Variants in NUCKS1 observed in about 807,000 individuals in gnomAD.
The protein encoded by NUCKS1 is nuclear casein kinase and cyclin dependent kinase substrate 1, also known as nuclear ubiquitous casein and cyclin-dependent kinase substrate 1.
NUCKS1 carries 2 observed loss-of-function variants against 33.0 expected under a neutral mutation model. The ratio of observed to expected loss-of-function variants is 0.06; its 90% CI spans 0.02 to 0.19. NUCKS1 has a LOEUF of 0.19. Among genes scored for constraint, NUCKS1 ranks in the 10% least tolerant of loss-of-function variants. The pLI is 1.00. For missense variants in NUCKS1, 201 were observed against 293.6 expected (o/e 0.68, Z 2.31); for synonymous variants, 106 against 102.8 (o/e 1.03, Z -0.19).
At chr1:205,725,596 T>C (rs1558050928) in intron 3 of NUCKS1, among the ~76,000 whole-genome samples, 1 of 152,200 alleles carries the variant, frequency 6.6e-6, no homozygotes, top group Non-Finnish European at 1.5e-5. Flanking sequence ...TTTATCGAGT[T>C]TATAGACTAC....
intron 3 of NUCKS1, among the ~76,000 whole-genome samples, chr1:205,724,817 C>T (rs962429132): frequency 6.6e-6 from 1 of 152,042 alleles, no homozygotes; most frequent in African/African-American, 2.4e-5. Context: ...ATATTTCCTT[C>T]CAATATTTCT....
At chr1:205,749,926 A>T (rs759564148) in intron 1 of NUCKS1, 31 bp downstream of exon 1, 4 of 1,568,466 alleles carry the variant, frequency 2.6e-6, no homozygotes, top group South Asian at 1.1e-5. Flanking sequence ...TCCCCCTCCA[A>T]CCCGCTCCAG....
At position 205,714,259 on chromosome 1, in the gene NUCKS1, A is replaced by G. The variant is rs962754208; in HGVS notation, c.*4021T>C. On this transcript the variant is annotated 3_prime_UTR_variant, in exon 7 of 7. Transcript: ENST00000367142. ...AGTACTATACCCCCACACCCCATCA[A>G]AAAAGGAACAACAAAAAAATCCCAA... 2.6e-5 allele frequency: 4 copies of G among 151,918 alleles called. No individual in the cohort carries two copies. Among genetic ancestry groups the G allele is most frequent in the African/African-American group, 9.7e-5 (4 of 41,238 alleles). 9.4% of individuals were successfully genotyped at this position (151,918 alleles called of 1,614,324 possible).
chr1:205,718,696 C>T (rs986574724), intron 6 of NUCKS1, among the ~76,000 whole-genome samples: 2 of 152,178 alleles, frequency 1.3e-5, no homozygotes, highest in Non-Finnish European at 2.9e-5. Flanking sequence ...TACAGTATTT[C>T]CCATCAGTTT....
intron 1 of NUCKS1, among the ~76,000 whole-genome samples, chr1:205,735,075 G>A (rs1045312539): frequency 6.6e-6 from 1 of 152,110 alleles, no homozygotes; most frequent in African/African-American, 2.4e-5. Flanking sequence ...CAGCATTTAA[G>A]AATTTCATTT....
At chr1:205,746,441 T>TCA (rs1403649920) in intron 1 of NUCKS1, among the ~76,000 whole-genome samples, 204 of 40,734 alleles carry the variant, frequency 5.0e-3, no homozygotes, top group Admixed American at 0.032. Context: ...CTCACTTCTC[T>TCA]CTCTCTCTCT....
intron 3 of NUCKS1, 31 bp downstream of exon 3, chr1:205,727,669 T>C (rs1235270370): frequency 1.4e-6 from 2 of 1,406,860 alleles, no homozygotes; most frequent in Non-Finnish European, 2.0e-6. Flanking sequence ...GGTAACAGTG[T>C]AAGCAGGAAC....
chr1:205,718,160 T>C lies in NUCKS1; in HGVS notation c.*120A>G. 1.5e-6 allele frequency: 2 copies of C among 1,352,728 alleles called. No homozygotes were observed. The highest frequency in any genetic ancestry group is 1.9e-6 in the Non-Finnish European group (2 of 1,057,310). The allele number at this position is 1,352,728 out of a possible 1,614,324, so 83.8% of individuals were successfully genotyped here. A position where few individuals can be genotyped will look rare whatever the true frequency, so the allele number is the denominator to read the frequency against. On this transcript the variant is annotated 3_prime_UTR_variant, in exon 7 of 7. Transcript: ENST00000367142. ...AATGGAAAAAAGCACTGAAAGCCCA[T>C]GAGTCAAGCCATAGCCAAAACCATG...
intron 2 of NUCKS1, among the ~76,000 whole-genome samples, chr1:205,729,206 T>TGGTCC: frequency 6.6e-6 from 1 of 152,160 alleles, no homozygotes; most frequent in East Asian, 1.9e-4. Flanking sequence ...TGACCTCAAG[T>TGGTCC]GGTCCGCCCA....
At chr1:205,748,895 C>T (rs896264447) in intron 1 of NUCKS1, among the ~76,000 whole-genome samples, 11 of 152,204 alleles carry the variant, frequency 7.2e-5, no homozygotes, top group African/African-American at 2.7e-4. Context: ...TGCAACAGCT[C>T]TCCTTTTTAA....
chr1:205,719,535 T>G lies in NUCKS1; in HGVS notation c.524A>C (p.Lys175Thr). 1 of 1,598,604 alleles carries G rather than the reference T, an allele frequency of 6.3e-7. No homozygotes were observed. The change falls in exon 6 of 7, where the codon AAG (lysine) becomes ACG (threonine). Residue 175 changes from lysine to threonine, a missense_variant. Lys to Thr is a moderately conservative substitution (Grantham distance 78). Transcript: ENST00000367142. ...KEKKMPKPRLKATVTPSPVKG... is the reference protein window; with the variant it reads ...KEKKMPKPRLTATVTPSPVKG... Reference sequence around the variant, plus strand: ...ACTTCTGCAGAAATTACCTGTAGCCTTTAGTCTGGGTTTGGGCATTTTCTT... The same window carrying G: ...ACTTCTGCAGAAATTACCTGTAGCCGTTAGTCTGGGTTTGGGCATTTTCTT...
chr1:205,730,541 T>A (rs985206042), intron 1 of NUCKS1, among the ~76,000 whole-genome samples: 2 of 150,842 alleles, frequency 1.3e-5, no homozygotes, highest in African/African-American at 4.9e-5. Flanking sequence ...CAGGCTAGAG[T>A]GCAATGGCGA....
Position 205,742,376 on chromosome 1 carries a change from T to A in NUCKS1, c.17+7581A>T, listed in dbSNP as rs115701831. On this transcript the variant is annotated intron_variant, in intron 1 of 6. Transcript: ENST00000367142. Reference sequence around the variant, plus strand: ...CTAAAGTGTTTCAAAGACCTACAATTAAGACCATTTAAATAGTAGTTATTT... The same window carrying A: ...CTAAAGTGTTTCAAAGACCTACAATAAAGACCATTTAAATAGTAGTTATTT... Among the ~76,000 whole-genome samples the A allele has an allele frequency of 6.2e-3, 938 of 152,302 alleles. 12 individuals carry two copies. Among genetic ancestry groups the A allele is most frequent in the African/African-American group, 0.021 (885 of 41,560 alleles).
chr1:205,724,011 T>C (rs1290054296), intron 3 of NUCKS1, 30 bp from the exon 4 acceptor site: 1 of 1,539,328 alleles, frequency 6.5e-7, no homozygotes, highest in Admixed American at 1.7e-5. Context: ...AGCAAATGCA[T>C]AAAAGTCTTA....
At chr1:205,730,238 G>C (rs994340755) in intron 1 of NUCKS1, among the ~76,000 whole-genome samples, 2 of 151,698 alleles carry the variant, frequency 1.3e-5, no homozygotes, top group African/African-American at 4.8e-5. Context: ...GTAGAGACAG[G>C]GTCTCCTGGT....
intron 1 of NUCKS1, among the ~76,000 whole-genome samples, chr1:205,740,283 G>A (rs1007964904): frequency 1.3e-5 from 2 of 151,810 alleles, no homozygotes; most frequent in African/African-American, 4.8e-5. Context: ...GGGATTATAG[G>A]CGTAAACCAC....
At chr1:205,726,709 C>T (rs1054860918) in intron 3 of NUCKS1, among the ~76,000 whole-genome samples, 4 of 152,166 alleles carry the variant, frequency 2.6e-5, no homozygotes, top group African/African-American at 9.7e-5. Flanking sequence ...TGCTGGATAA[C>T]TTTGGTTAAA....
At position 205,718,031 on chromosome 1, in the gene NUCKS1, G is replaced by A; in HGVS notation, c.*249C>T. 9.1e-7 allele frequency: 1 copy of A among 1,103,220 alleles called. No homozygotes were observed. The highest frequency in any genetic ancestry group is 1.1e-6 in the Non-Finnish European group (1 of 915,314). 68.3% of individuals were successfully genotyped at this position (1,103,220 alleles called of 1,614,324 possible). On this transcript the variant is annotated 3_prime_UTR_variant, in exon 7 of 7. Coordinates refer to ENST00000367142, the MANE Select transcript of NUCKS1 (RefSeq NM_022731.5). ...ATTGGGAAAGGGGAGGGCTGGCAAA[G>A]AGACCAATAGACAAAAAGGTAACTT... is the stretch of plus-strand genomic sequence containing the variant.
chr1:205,749,364 G>A (rs573956774), intron 1 of NUCKS1, among the ~76,000 whole-genome samples: 3 of 152,348 alleles, frequency 2.0e-5, no homozygotes, highest in African/African-American at 7.2e-5. Context: ...GCCCACGCTC[G>A]GCCCGATCCG....
Sources: gnomAD v4.1 joint callset for allele counts (sites outside exome capture counted in the v4.1 genomes callset) on GRCh38, gnomAD v4.1.1 for gene constraint, MANE v1.5 for transcripts, NCBI Gene and HGNC (gene_info 2026-07-23, HGNC 2026-07-21) for gene names.